Variants in RANBP10 observed in about 807,000 individuals in gnomAD.
RANBP10 encodes RAN binding protein 10, also known as ran-binding protein 10.
In RANBP10, 24 loss-of-function variants were observed where a neutral mutation model predicts 72.8. That is an observed-to-expected ratio of 0.33 (90% CI 0.24 to 0.46). The LOEUF (loss-of-function observed/expected upper bound fraction) is 0.46, where lower values mean the gene tolerates loss of function less well. Among genes scored for constraint, RANBP10 ranks in the 20% least tolerant of loss-of-function variants. RANBP10 has a pLI of 1.00. For synonymous variants in RANBP10, 310 were observed against 322.3 expected (o/e 0.96, Z 0.41); for missense variants, 679 against 817.5 (o/e 0.83, Z 2.07).
chr16:67,750,546 A>G (rs1049300949), intron 3 of RANBP10, among the ~76,000 whole-genome samples: 1 of 152,110 alleles, frequency 6.6e-6, no homozygotes, highest in Admixed American at 6.6e-5. Context: ...TGATCTCAGG[A>G]AAGTTCCTCC....
intron 2 of RANBP10, among the ~76,000 whole-genome samples, chr16:67,787,850 T>A (rs1567710868): frequency 3.9e-5 from 6 of 152,042 alleles, no homozygotes; most frequent in Admixed American, 2.6e-4. Flanking sequence ...AAAAAAAAAT[T>A]TTTTTTTGAG....
In RANBP10 at chr16:67,789,186, T is replaced by G. The variant is rs112703705; in HGVS notation, c.347+16242A>C. ...TTAGCCAGGTGTGGTGGTGCACGCC[T>G]GTAGTCTCAGCTAGTCAGGAGGCTG... On this transcript the variant is annotated intron_variant, in intron 2 of 13. Coordinates refer to ENST00000317506, the MANE Select transcript of RANBP10 (RefSeq NM_020850.3). Among the ~76,000 whole-genome samples, 918 of 150,478 alleles carry G rather than the reference T, an allele frequency of 6.1e-3. 2 individuals carry two copies. The highest frequency in any genetic ancestry group is 9.2e-3 in the Non-Finnish European group (624 of 67,848).
At chr16:67,798,869 C>T (rs1301789955) in intron 2 of RANBP10, among the ~76,000 whole-genome samples, 1 of 152,182 alleles carries the variant, frequency 6.6e-6, no homozygotes, top group Non-Finnish European at 1.5e-5. Context: ...CAGCCCCCCA[C>T]ACTGCTACTG....
At position 67,726,493 on chromosome 16, in the gene RANBP10, G is replaced by A. The variant is rs1275478596; in HGVS notation, c.1798C>T (p.Arg600Trp). ...CCCAGGCCTGCTCGGGCCATGAGCC[G>A]GAGACACTCAGATGCCTGGCCCAGG... Reference protein sequence around the residue: ...LALGQASECLRLMARAGLGSC... With the variant: ...LALGQASECLWLMARAGLGSC... Residue 600 changes from arginine (R) to tryptophan (W), a missense_variant, in exon 14 of 14, where the codon CGG becomes TGG. Arg to Trp is a moderately radical substitution (Grantham distance 101). Coordinates refer to ENST00000317506, the MANE Select transcript of RANBP10 (RefSeq NM_020850.3). 12 of 1,596,510 alleles carry A rather than the reference G, an allele frequency of 7.5e-6. No individual in the cohort carries two copies. Among genetic ancestry groups the A allele is most frequent in the Middle Eastern group, 1.7e-4 (1 of 6,042 alleles).
intron 2 of RANBP10, among the ~76,000 whole-genome samples, chr16:67,804,092 T>A (rs1027656031): frequency 6.6e-6 from 1 of 151,824 alleles, no homozygotes; most frequent in Non-Finnish European, 1.5e-5. Flanking sequence ...TGGCCAAGCA[T>A]TTTGCATGCA....
intron 3 of RANBP10, among the ~76,000 whole-genome samples, chr16:67,760,935 C>T (rs1461654898): frequency 2.0e-5 from 3 of 152,138 alleles, no homozygotes; most frequent in African/African-American, 7.2e-5. Context: ...GCCTGGGAGA[C>T]GCCCAAACCC....
In RANBP10 at chr16:67,754,963, G is replaced by A. The variant is rs185429137; in HGVS notation, c.401-10508C>T. On this transcript the variant is annotated intron_variant, in intron 3 of 13. Transcript: ENST00000317506. ...ACTTGCAGGTATAAATCCCATCAGA[G>A]GACAGAGGAAACTGAGGCACTAAGA... Among the ~76,000 whole-genome samples the A allele has an allele frequency of 2.4e-4, 36 of 152,260 alleles. No individual in the cohort carries two copies. In the East Asian group the frequency reaches 5.8e-3, roughly 24 times the overall value.
At chr16:67,787,974 G>C (rs1248787337) in intron 2 of RANBP10, among the ~76,000 whole-genome samples, 1 of 152,066 alleles carries the variant, frequency 6.6e-6, no homozygotes, top group Non-Finnish European at 1.5e-5. Context: ...GAGTAGCTGT[G>C]ACTACAGGCA....
Position 67,734,999 on chromosome 16 carries a change from A to G in RANBP10, c.635T>C (p.Ile212Thr). The G allele has an allele frequency of 3.1e-6, 5 of 1,613,606 alleles. No homozygotes were observed. In the South Asian group the frequency reaches 5.5e-5, roughly 18 times the overall value. The stretch of plus-strand genomic sequence containing the variant: ...CTGCTGCCCAAAGTTGGCGTCCACA[A>G]TCTCCCCAGGTGTCTGCAGGCCTAC... ...PTVGLQTPGE[I>T]VDANFGQQPF... Residue 212 changes from isoleucine (I) to threonine (T), a missense_variant, in exon 6 of 14, where the codon ATT (isoleucine) becomes ACT (threonine). Physicochemically the swap from Ile to Thr is moderately conservative, Grantham distance 89. Coordinates refer to ENST00000317506, the MANE Select transcript of RANBP10 (RefSeq NM_020850.3).
chr16:67,744,506 A>T, intron 3 of RANBP10, 51 bp from the exon 4 acceptor site: 1 of 1,536,010 alleles, frequency 6.5e-7, no homozygotes, highest in Non-Finnish European at 8.8e-7. Flanking sequence ...AGGGAGGAAC[A>T]AGACAAGTCA....
intron 3 of RANBP10, among the ~76,000 whole-genome samples, chr16:67,757,069 G>A (rs534264158): frequency 2.0e-5 from 3 of 151,682 alleles, no homozygotes; most frequent in African/African-American, 2.4e-5. Flanking sequence ...TTGGCCGGGC[G>A]TGGTGGCGCG....
chr16:67,784,878 T>C (rs1050314269), intron 2 of RANBP10, among the ~76,000 whole-genome samples: 1 of 150,454 alleles, frequency 6.6e-6, no homozygotes, highest in Non-Finnish European at 1.5e-5. Context: ...GGTAAGGCCC[T>C]GGGCCAAAAA....
intron 3 of RANBP10, among the ~76,000 whole-genome samples, chr16:67,746,673 C>A (rs777443465): frequency 6.6e-6 from 1 of 152,152 alleles, no homozygotes; most frequent in Non-Finnish European, 1.5e-5. Context: ...TTCCCTCAGG[C>A]CTCTTGGGAG....
chr16:67,732,326 C>G (rs2053749270), intron 6 of RANBP10, among the ~76,000 whole-genome samples: 1 of 152,198 alleles, frequency 6.6e-6, no homozygotes, highest in Admixed American at 6.5e-5. Context: ...TTAACCCCAG[C>G]AGAAGCTGGC....
chr16:67,729,463 C>A lies in RANBP10; in HGVS notation c.1169G>T (p.Ser390Ile), dbSNP rs1476710328. ...HNTGADSPSCSNGVASTKSKQ... is the reference protein window; with the variant it reads ...HNTGADSPSCINGVASTKSKQ... ...GCTCTTGGTGGACGCGACGCCATTGCTACAGCTGGGACTGTCTGCTCCTAG... is the reference window on the plus strand; with the variant it reads ...GCTCTTGGTGGACGCGACGCCATTGATACAGCTGGGACTGTCTGCTCCTAG... Residue 390 changes from serine to isoleucine, a missense_variant, in exon 10 of 14, where the codon AGC becomes ATC. Ser to Ile is a moderately radical substitution (Grantham distance 142). Coordinates refer to ENST00000317506, the MANE Select transcript of RANBP10 (RefSeq NM_020850.3). This position sits in a 1 kb window ranked among gnomAD's most constrained non-coding sequence, Gnocchi z 7.1. 1 of 1,612,764 alleles carries A rather than the reference C, an allele frequency of 6.2e-7. No homozygotes were observed. Among genetic ancestry groups the A allele is most frequent in the South Asian group, 1.1e-5 (1 of 91,012 alleles).
chr16:67,747,070 A>C (rs2143006723), intron 3 of RANBP10, among the ~76,000 whole-genome samples: 1 of 152,364 alleles, frequency 6.6e-6, no homozygotes, highest in African/African-American at 2.4e-5. Context: ...ACTGGGTTAT[A>C]AGATAAGTGT....
At chr16:67,741,857 G>A (rs966904621) in intron 4 of RANBP10, among the ~76,000 whole-genome samples, 8 of 152,162 alleles carry the variant, frequency 5.3e-5, no homozygotes, top group Admixed American at 1.3e-4. Flanking sequence ...GGAAGGGATC[G>A]ATTCTGAAGC....
chr16:67,744,051 G>T, intron 4 of RANBP10: 2 of 973,348 alleles, frequency 2.1e-6, no homozygotes, highest in Non-Finnish European at 2.4e-6. Flanking sequence ...TCACGACCAG[G>T]ATACTGCTGT....
chr16:67,733,219 A>T (rs1240346106), intron 6 of RANBP10, among the ~76,000 whole-genome samples: 2 of 152,004 alleles, frequency 1.3e-5, no homozygotes, highest in East Asian at 3.9e-4. Flanking sequence ...ACAAAAAATT[A>T]GCCAGGTGTG....
Sources: allele counts gnomAD v4.1 joint callset (sites outside exome capture counted in the v4.1 genomes callset), GRCh38; gene constraint gnomAD v4.1.1; non-coding constraint Gnocchi (gnomAD v3.1); transcripts MANE v1.5; gene names NCBI Gene and HGNC (gene_info 2026-07-23, HGNC 2026-07-21).